GLRA3: variants seen among roughly 807,000 people sequenced by gnomAD.
GLRA3 encodes the protein glycine receptor alpha 3, also known as glycine receptor subunit alpha-3.
Under a neutral mutation model 60.4 loss-of-function variants are expected in GLRA3, and 44 were observed. The observed-to-expected ratio is 0.73, with a 90% CI of 0.57 to 0.94. GLRA3 has a LOEUF of 0.94. Among genes scored for constraint, GLRA3 ranks in the 40% least tolerant of loss-of-function variants. The probability of loss-of-function intolerance (pLI) is 0.00; values close to 1 mark genes in which losing one functional copy is unlikely to be tolerated. For synonymous variants in GLRA3, 223 were observed against 192.9 expected (o/e 1.16, Z -1.29); for missense variants, 508 against 564.6 (o/e 0.90, Z 1.02).
chr4:174,746,515 A>G (rs1171586615), intron 3 of GLRA3, among the ~76,000 whole-genome samples: 1 of 152,128 alleles, frequency 6.6e-6, no homozygotes, highest in African/African-American at 2.4e-5. Context: ...GTGGGAAGAG[A>G]GGGATTAAGA....
intron 1 of GLRA3, among the ~76,000 whole-genome samples, chr4:174,790,833 A>T (rs1333088703): frequency 1.4e-5 from 2 of 146,672 alleles, no homozygotes; most frequent in African/African-American, 5.1e-5. Context: ...TACAAAAAAA[A>T]AAAAAAAAAA....
chr4:174,826,865 G>A (rs1740990972), intron 1 of GLRA3, among the ~76,000 whole-genome samples: 1 of 125,916 alleles, frequency 7.9e-6, no homozygotes, highest in South Asian at 2.9e-4. Context: ...TTCCAGTAGA[G>A]GGAGCTTCCT....
chr4:174,754,508 A>G (rs185304142), intron 3 of GLRA3, among the ~76,000 whole-genome samples: 1 of 152,300 alleles, frequency 6.6e-6, no homozygotes, highest in Admixed American at 6.5e-5. Flanking sequence ...TTCCAAAAGA[A>G]CTGAAATAGC....
chr4:174,686,642 T>G (rs763028296), intron 5 of GLRA3, among the ~76,000 whole-genome samples: 1 of 152,220 alleles, frequency 6.6e-6, no homozygotes, highest in African/African-American at 2.4e-5. Flanking sequence ...AGGCAGAAAC[T>G]GCTGTGTGCA....
intron 5 of GLRA3, among the ~76,000 whole-genome samples, chr4:174,686,611 A>G (rs979995447): frequency 9.9e-5 from 15 of 152,212 alleles, no homozygotes. Flanking sequence ...ATTGCCGAGT[A>G]AAGAGTAAGT....
At chr4:174,787,237 G>A (rs896625112) in intron 2 of GLRA3, among the ~76,000 whole-genome samples, 3 of 151,996 alleles carry the variant, frequency 2.0e-5, no homozygotes, top group Non-Finnish European at 2.9e-5. Flanking sequence ...AATATTCACA[G>A]ACATTTAAAA....
At chr4:174,653,831 A>T (rs1183493341) in intron 9 of GLRA3, among the ~76,000 whole-genome samples, 1 of 152,062 alleles carries the variant, frequency 6.6e-6, no homozygotes, top group African/African-American at 2.4e-5. Context: ...TTGAACAGAG[A>T]TTATATTATT....
intron 2 of GLRA3, among the ~76,000 whole-genome samples, chr4:174,773,233 T>C (rs1330943725): frequency 6.6e-6 from 1 of 152,114 alleles, no homozygotes; most frequent in Non-Finnish European, 1.5e-5. Context: ...GCTTTTAAAT[T>C]GTTCACGACT....
chr4:174,807,527 C>T (rs544891131), intron 1 of GLRA3, among the ~76,000 whole-genome samples: 1 of 151,902 alleles, frequency 6.6e-6, no homozygotes, highest in East Asian at 1.9e-4. Flanking sequence ...CAGGTATTGT[C>T]AAAGTTAAAT....
At chr4:174,692,533 T>C (rs1292230769) in intron 5 of GLRA3, among the ~76,000 whole-genome samples, 1 of 149,876 alleles carries the variant, frequency 6.7e-6, no homozygotes, top group Non-Finnish European at 1.5e-5. Context: ...AGAAATCGGA[T>C]GGTTGCCGTG....
intron 5 of GLRA3, 118 bp from the exon 6 acceptor site, chr4:174,683,057 C>T: frequency 1.4e-6 from 1 of 736,828 alleles, no homozygotes; most frequent in South Asian, 1.8e-5. Context: ...CTTATAGTAA[C>T]TCTGTGGATG....
chr4:174,741,013 G>A (rs1247704093), intron 3 of GLRA3, among the ~76,000 whole-genome samples: 1 of 152,174 alleles, frequency 6.6e-6, no homozygotes, highest in African/African-American at 2.4e-5. Flanking sequence ...AGTATTTTGT[G>A]ATTATGGATA....
At chr4:174,683,879 A>G (rs528605828) in intron 5 of GLRA3, among the ~76,000 whole-genome samples, 1 of 152,298 alleles carries the variant, frequency 6.6e-6, no homozygotes, top group South Asian at 2.1e-4. Flanking sequence ...ATTTTGATAC[A>G]CATTTCATCA....
chr4:174,771,995 A>G (rs1003848053), intron 2 of GLRA3, among the ~76,000 whole-genome samples: 6 of 152,120 alleles, frequency 3.9e-5, no homozygotes, highest in African/African-American at 1.2e-4. Flanking sequence ...GGCACATCCT[A>G]ATGAGTCCAT....
intron 3 of GLRA3, among the ~76,000 whole-genome samples, chr4:174,731,325 G>A (rs1481413873): frequency 6.6e-6 from 1 of 152,124 alleles, no homozygotes; most frequent in East Asian, 1.9e-4. Context: ...TTGTGAAAAT[G>A]TGTAAAGAAA....
chr4:174,654,451 T>C (rs1270620596), intron 9 of GLRA3, among the ~76,000 whole-genome samples: 1 of 152,120 alleles, frequency 6.6e-6, no homozygotes, highest in Non-Finnish European at 1.5e-5. Context: ...TAGCAAAACA[T>C]AAACTTGGCT....
At chr4:174,657,332 T>C (rs1269187965) in intron 8 of GLRA3, among the ~76,000 whole-genome samples, 4 of 152,154 alleles carry the variant, frequency 2.6e-5, no homozygotes, top group African/African-American at 9.6e-5. Context: ...GCTTTCACAG[T>C]TTACCCATTT....
intron 3 of GLRA3, among the ~76,000 whole-genome samples, chr4:174,766,757 T>G (rs1469611004): frequency 6.6e-6 from 1 of 152,096 alleles, no homozygotes; most frequent in Non-Finnish European, 1.5e-5. Flanking sequence ...AAATCAATGT[T>G]GTTTTCACTT....
At chr4:174,706,242 GAA>G (rs11350156) in intron 5 of GLRA3, among the ~76,000 whole-genome samples, 9 of 149,038 alleles carry the variant, frequency 6.0e-5, no homozygotes. Flanking sequence ...AAAAAAAAAA[GAA>G]AAAAAAAATG....
Sources: gnomAD v4.1 joint callset for allele counts (sites outside exome capture counted in the v4.1 genomes callset) on GRCh38, gnomAD v4.1.1 for gene constraint, MANE v1.5 for transcripts, NCBI Gene and HGNC (gene_info 2026-07-23, HGNC 2026-07-21) for gene names.